RCAN1: variants seen among roughly 807,000 people sequenced by gnomAD.
RCAN1 encodes calcipressin-1.
RCAN1 carries 11 observed loss-of-function variants against 22.9 expected under a neutral mutation model. The observed-to-expected ratio is 0.48, with a 90% confidence interval of 0.30 to 0.79. The LOEUF is 0.79. RCAN1 is among the 30% of genes least tolerant of loss of function. RCAN1 has a pLI of 0.06. For synonymous variants in RCAN1, 136 were observed against 142.3 expected, an observed-to-expected ratio of 0.96 and a Z score of 0.32; for missense variants, 291 against 337.8, an observed-to-expected ratio of 0.86 and a Z score of 1.09.
At chr21:34,544,855 G>A (rs182546441) in intron 1 of RCAN1, among the ~76,000 whole-genome samples, 2 of 152,342 alleles carry the variant, frequency 1.3e-5, no homozygotes, top group East Asian at 1.9e-4. Flanking sequence ...TGCGAGGGAC[G>A]CACGTGGAAG....
intron 1 of RCAN1, among the ~76,000 whole-genome samples, chr21:34,601,641 A>G (rs1303494009): frequency 6.6e-6 from 1 of 152,018 alleles, no homozygotes; most frequent in African/African-American, 2.4e-5. Flanking sequence ...ACACGGTGAA[A>G]CCCCATCTCT....
chr21:34,588,402 T>C (rs142507138), intron 1 of RCAN1, among the ~76,000 whole-genome samples: 2 of 152,362 alleles, frequency 1.3e-5, no homozygotes, highest in Admixed American at 1.3e-4. Context: ...GTTTATTTTG[T>C]AAAATTTCAG....
chr21:34,583,259 A>C (rs1987683735), intron 1 of RCAN1, among the ~76,000 whole-genome samples: 1 of 149,456 alleles, frequency 6.7e-6, no homozygotes, highest in South Asian at 2.1e-4. Flanking sequence ...GCTCACTGCA[A>C]CCTCTGCCTC....
rs1253182437 is a variant in RCAN1, at chr21:34,614,915, A to G, written c.97T>C (p.Phe33Leu). 1.4e-6 allele frequency: 2 copies of G among 1,411,560 alleles called. No individual in the cohort carries two copies. The highest frequency in any genetic ancestry group is 2.6e-5 in the South Asian group (2 of 77,284). The allele number at this position is 1,411,560 out of a possible 1,614,324, so 87.4% of individuals were successfully genotyped here. The change falls in exon 1 of 4, where the codon TTC (phenylalanine) becomes CTC (leucine). Residue 33 changes from phenylalanine to leucine, a missense_variant. Phe to Leu is a conservative substitution (Grantham distance 22). Coordinates refer to ENST00000313806, the MANE Select transcript of RCAN1 (RefSeq NM_004414.7). This position sits in a 1 kb window ranked among gnomAD's most constrained non-coding sequence, Gnocchi z 6.0. ...RARPGVTLRP[F>L]APLSGAAEAD... ...TCGGCCGCCCCCGAGAGGGGCGCGA[A>G]GGGCCGCAGCGTCACCCCGGGCCGC... is the stretch of plus-strand genomic sequence containing the variant.
At chr21:34,612,475 C>T (rs1176862248) in intron 1 of RCAN1, among the ~76,000 whole-genome samples, 1 of 152,196 alleles carries the variant, frequency 6.6e-6, no homozygotes, top group African/African-American at 2.4e-5. Context: ...CCTCCCTGGG[C>T]CACTCCATCT....
intron 2 of RCAN1, 41 bp downstream of exon 2, chr21:34,523,496 G>A: frequency 6.3e-7 from 1 of 1,593,488 alleles, no homozygotes; most frequent in Non-Finnish European, 8.6e-7. Context: ...AAGGGAGGGA[G>A]GGAGGAGGGA....
At chr21:34,584,506 A>T (rs988412561) in intron 1 of RCAN1, among the ~76,000 whole-genome samples, 5 of 152,222 alleles carry the variant, frequency 3.3e-5, no homozygotes, top group Non-Finnish European at 7.3e-5. Context: ...CTCTTGCAAA[A>T]AAGGTTTTCT....
At chr21:34,611,921 T>C (rs1988696392) in intron 1 of RCAN1, among the ~76,000 whole-genome samples, 1 of 152,212 alleles carries the variant, frequency 6.6e-6, no homozygotes. Context: ...CCTCAGAGAC[T>C]GGGACTCCCT....
chr21:34,574,307 C>A (rs570001523), intron 1 of RCAN1, among the ~76,000 whole-genome samples: 1 of 152,318 alleles, frequency 6.6e-6, no homozygotes, highest in East Asian at 1.9e-4. Context: ...AGTCTACCTG[C>A]AGATAAGCTA....
At chr21:34,593,019 T>C (rs1157806702) in intron 1 of RCAN1, among the ~76,000 whole-genome samples, 3 of 152,232 alleles carry the variant, frequency 2.0e-5, no homozygotes. Flanking sequence ...TATGTGTCAA[T>C]GCAGTGCAGT....
intron 1 of RCAN1, among the ~76,000 whole-genome samples, chr21:34,592,920 G>A (rs1484745405): frequency 2.0e-5 from 3 of 152,186 alleles, no homozygotes; most frequent in Non-Finnish European, 2.9e-5. Context: ...TCTTCTAAGC[G>A]CATGTGGGAA....
chr21:34,592,507 C>T (rs1988008078), intron 1 of RCAN1, among the ~76,000 whole-genome samples: 1 of 152,186 alleles, frequency 6.6e-6, no homozygotes, highest in Non-Finnish European at 1.5e-5. Flanking sequence ...ATTTTCCCAG[C>T]ACTAGGATTA....
At chr21:34,569,383 G>A (rs1287634298) in intron 1 of RCAN1, among the ~76,000 whole-genome samples, 1 of 152,030 alleles carries the variant, frequency 6.6e-6, no homozygotes, top group Non-Finnish European at 1.5e-5. Flanking sequence ...TAAAAGACTG[G>A]GCCTCAAATA....
intron 1 of RCAN1, among the ~76,000 whole-genome samples, chr21:34,575,425 G>A (rs1300214837): frequency 6.6e-6 from 1 of 152,210 alleles, no homozygotes; most frequent in Non-Finnish European, 1.5e-5. Flanking sequence ...TTATTCTCAA[G>A]GCGAGCCCAC....
At chr21:34,580,086 C>T (rs1173450382) in intron 1 of RCAN1, among the ~76,000 whole-genome samples, 1 of 152,146 alleles carries the variant, frequency 6.6e-6, no homozygotes, top group East Asian at 1.9e-4. Flanking sequence ...CGTGTCTGCA[C>T]AAATATTTCA....
chr21:34,557,812 T>C (rs1309976976), intron 1 of RCAN1, among the ~76,000 whole-genome samples: 1 of 152,198 alleles, frequency 6.6e-6, no homozygotes, highest in African/African-American at 2.4e-5. Context: ...GATCCGAAAT[T>C]GACTGCCAGT....
intron 1 of RCAN1, among the ~76,000 whole-genome samples, chr21:34,566,001 C>G (rs1236902568): frequency 6.6e-6 from 1 of 152,176 alleles, no homozygotes; most frequent in African/African-American, 2.4e-5. Flanking sequence ...CCGTCACCTG[C>G]TGAACCTGCT....
At position 34,557,003 on chromosome 21, in the gene RCAN1, A is replaced by C. The variant is rs150520875; in HGVS notation, c.253-33293T>G. ...CGAGGCAGGCGGATCACCTGAGGTC[A>C]GGAGTTCGAGACCAGCCTGGCCAAC... On this transcript the variant is annotated intron_variant, in intron 1 of 3. Transcript: ENST00000313806. Among the ~76,000 whole-genome samples the C allele has an allele frequency of 2.6e-3, 394 of 152,326 alleles. 4 individuals are homozygous for C. The highest frequency in any genetic ancestry group is 8.8e-3 in the African/African-American group (365 of 41,578).
At chr21:34,519,945 A>C (rs1195417556) in intron 3 of RCAN1, among the ~76,000 whole-genome samples, 1 of 152,174 alleles carries the variant, frequency 6.6e-6, no homozygotes, top group Non-Finnish European at 1.5e-5. Context: ...GAGAGAGAGA[A>C]TTCAGGCATG....
Sources: gnomAD v4.1 joint callset for allele counts (sites outside exome capture counted in the v4.1 genomes callset) on GRCh38, gnomAD v4.1.1 for gene constraint, Gnocchi (gnomAD v3.1) non-coding constraint, MANE v1.5 for transcripts, NCBI Gene and HGNC (gene_info 2026-07-23, HGNC 2026-07-21) for gene names.